Variants in LARP4B observed in about 807,000 individuals in gnomAD.
The protein encoded by LARP4B is La ribonucleoprotein 4B, also known as la-related protein 4B.
LARP4B carries 12 observed loss-of-function variants against 89.8 expected under a neutral mutation model. That is an observed-to-expected ratio of 0.13 (90% CI 0.09 to 0.22). The LOEUF is 0.22. LARP4B is among the 10% of genes least tolerant of loss of function. LARP4B has a pLI of 1.00. For missense variants in LARP4B, 757 were observed against 947.7 expected, an observed-to-expected ratio of 0.80 and a Z score of 2.64; for synonymous variants, 367 against 363.3, an observed-to-expected ratio of 1.01 and a Z score of -0.12.
intron 2 of LARP4B, among the ~76,000 whole-genome samples, chr10:885,130 C>T (rs142386547): frequency 6.6e-6 from 1 of 152,156 alleles, no homozygotes; most frequent in African/African-American, 2.4e-5. Context: ...TCCCTTGAAG[C>T]AGGCCATAAA....
At chr10:938,376 G>A in the LARP4B span, among the ~76,000 whole-genome samples, 12 of 151,516 alleles carry the variant, frequency 7.9e-5, no homozygotes, top group East Asian at 1.2e-3. Flanking sequence ...TCAGCCTCCC[G>A]AGTAGCTGGG....
In LARP4B at chr10:822,405, C is replaced by T. The variant is rs569220893; in HGVS notation, c.1485-1560G>A. ...GCCTGCTCGTCACTACCGGCTGGGA[C>T]GCAGGGGCACCCATCCCTTGGAACA... is the stretch of plus-strand genomic sequence containing the variant. On this transcript the variant is annotated intron_variant, in intron 13 of 17. Coordinates refer to ENST00000316157, the MANE Select transcript of LARP4B (RefSeq NM_015155.3). The surrounding 1 kb of genome is among the most constrained non-coding windows in gnomAD (Gnocchi z 4.6). Among the ~76,000 whole-genome samples the T allele has an allele frequency of 1.3e-5, 2 of 152,182 alleles. No individual in the cohort carries two copies. Among genetic ancestry groups the T allele is most frequent in the Admixed American group, 6.5e-5 (1 of 15,282 alleles).
chr10:929,004 C>T (rs1055789337), intron 1 of LARP4B, among the ~76,000 whole-genome samples: 4 of 152,190 alleles, frequency 2.6e-5, no homozygotes, highest in African/African-American at 9.7e-5. Flanking sequence ...CTTTAAATCT[C>T]ACTTTTAAAA....
At chr10:982,354 G>C in the LARP4B span, among the ~76,000 whole-genome samples, 2 of 152,118 alleles carry the variant, frequency 1.3e-5, no homozygotes, top group Non-Finnish European at 2.9e-5. Flanking sequence ...GCCTCCCAAA[G>C]TGCTGCGATT....
chr10:935,124 C>A (rs985466046), upstream of LARP4B, among the ~76,000 whole-genome samples: 1 of 152,186 alleles, frequency 6.6e-6, no homozygotes, highest in Non-Finnish European at 1.5e-5. Flanking sequence ...TCCAATCACA[C>A]TCACTTTCCG....
At chr10:977,774 T>C in the LARP4B span, among the ~76,000 whole-genome samples, 1 of 152,336 alleles carries the variant, frequency 6.6e-6, no homozygotes, top group South Asian at 2.1e-4. Flanking sequence ...GCAAATACTA[T>C]GCCATTTTAT....
At chr10:908,569 T>C (rs371955595) in intron 1 of LARP4B, among the ~76,000 whole-genome samples, 4 of 152,234 alleles carry the variant, frequency 2.6e-5, no homozygotes, top group East Asian at 3.9e-4. Flanking sequence ...AGGTAGAGTG[T>C]TGAGACTGAA....
rs1257536091 is a variant in LARP4B at position 840,998 on chromosome 10, A to G, written c.646+1934T>C. ...AAAACCTCGTCTCTACTAAAAGTACAAAAAATTAGCTGGGCGTGGTGGTGC... is the reference window on the plus strand; with the variant it reads ...AAAACCTCGTCTCTACTAAAAGTACGAAAAATTAGCTGGGCGTGGTGGTGC... On this transcript the variant is annotated intron_variant, in intron 7 of 17. Coordinates refer to ENST00000316157, the MANE Select transcript of LARP4B (RefSeq NM_015155.3). Among the ~76,000 whole-genome samples, 31 of 152,134 alleles carry G rather than the reference A, an allele frequency of 2.0e-4. 1 individual carries two copies. The highest frequency in any genetic ancestry group is 2.0e-3 in the Admixed American group (31 of 15,282).
intron 5 of LARP4B, among the ~76,000 whole-genome samples, chr10:848,501 A>G (rs1430514558): frequency 2.0e-5 from 3 of 152,138 alleles, no homozygotes; most frequent in Non-Finnish European, 4.4e-5. Context: ...ACTGAAAAGG[A>G]TGTTAAAAGT....
chr10:978,121 G>C, the LARP4B span, among the ~76,000 whole-genome samples: 3 of 152,184 alleles, frequency 2.0e-5, no homozygotes, highest in South Asian at 6.2e-4. Flanking sequence ...TTCTTCATCA[G>C]TCTTGCCCCA....
At chr10:874,990 G>T (rs1835399361) in intron 3 of LARP4B, among the ~76,000 whole-genome samples, 1 of 152,138 alleles carries the variant, frequency 6.6e-6, no homozygotes. Context: ...TCACTGTACA[G>T]ATAAGGGAAA....
Position 811,006 on chromosome 10 carries a change from C to G in LARP4B, c.*1920G>C, listed in dbSNP as rs41305671. On this transcript the variant is annotated 3_prime_UTR_variant, in exon 18 of 18. Coordinates refer to ENST00000316157, the MANE Select transcript of LARP4B (RefSeq NM_015155.3). Reference sequence around the variant, plus strand: ...TTAGATTACTAGTCACCTTCACTTACGATCCTGCCAGTTTTTGCTCTCTAT... The same window carrying G: ...TTAGATTACTAGTCACCTTCACTTAGGATCCTGCCAGTTTTTGCTCTCTAT... 1.3e-5 allele frequency: 2 copies of G among 152,222 alleles called. No individual in the cohort carries two copies. Among genetic ancestry groups the G allele is most frequent in the Non-Finnish European group, 1.5e-5 (1 of 68,038 alleles). The allele number at this position is 152,222 out of a possible 1,614,324, so 9.4% of individuals were successfully genotyped here. A position where few individuals can be genotyped will look rare whatever the true frequency, so the allele number is the denominator to read the frequency against.
chr10:949,527 G>A, the LARP4B span, among the ~76,000 whole-genome samples: 832 of 152,148 alleles, frequency 5.5e-3, 5 homozygotes, highest in South Asian at 7.5e-3. Context: ...CCTCCAACCC[G>A]TTTTCCAGGC....
downstream of LARP4B, chr10:809,241 T>A (rs1564370943): frequency 6.6e-6 from 1 of 152,216 alleles, no homozygotes; most frequent in Non-Finnish European, 1.5e-5. Flanking sequence ...GAGAGTGCCA[T>A]TTTAACAAAA....
chr10:923,126 A>C (rs1197031605), intron 1 of LARP4B, among the ~76,000 whole-genome samples: 4 of 152,164 alleles, frequency 2.6e-5, no homozygotes, highest in Non-Finnish European at 5.9e-5. Flanking sequence ...AGACTTTCAC[A>C]GTAAGCTACT....
At chr10:873,173 C>T (rs1373651183) in intron 3 of LARP4B, 8 of 984,836 alleles carry the variant, frequency 8.1e-6, no homozygotes, top group African/African-American at 1.7e-5. Flanking sequence ...ACACGACAGG[C>T]GTGCTGGTCC....
chr10:982,693 T>A, the LARP4B span, among the ~76,000 whole-genome samples: 1 of 152,264 alleles, frequency 6.6e-6, no homozygotes, highest in African/African-American at 2.4e-5. Flanking sequence ...ATTTTGAATG[T>A]GTTTCAACTT....
At chr10:890,813 C>T (rs1487280187) in intron 1 of LARP4B, among the ~76,000 whole-genome samples, 2 of 152,118 alleles carry the variant, frequency 1.3e-5, no homozygotes, top group Non-Finnish European at 2.9e-5. Context: ...GTAGCTCCCA[C>T]TCCCTGAGGG....
chr10:828,117 A>T (rs569276295), intron 11 of LARP4B, among the ~76,000 whole-genome samples: 20 of 152,310 alleles, frequency 1.3e-4, no homozygotes, highest in African/African-American at 4.6e-4. Flanking sequence ...CACAAGCACT[A>T]GGCCAAAGCC....
Sources: gnomAD v4.1 joint callset for allele counts (sites outside exome capture counted in the v4.1 genomes callset) on GRCh38, gnomAD v4.1.1 for gene constraint, Gnocchi (gnomAD v3.1) non-coding constraint, MANE v1.5 for transcripts, NCBI Gene and HGNC (gene_info 2026-07-23, HGNC 2026-07-21) for gene names.